Variants in NRXN3 observed in about 807,000 individuals in gnomAD.
The protein encoded by NRXN3 is neurexin 3.
A neutral mutation model predicts 137.6 loss-of-function variants in NRXN3; 32 were observed. That is an observed-to-expected ratio of 0.23 (90% CI 0.18 to 0.31). The LOEUF (loss-of-function observed/expected upper bound fraction) is 0.31, where lower values mean the gene tolerates loss of function less well. NRXN3 is among the 10% of genes least tolerant of loss of function. The pLI is 1.00. For missense variants in NRXN3, 1,574 were observed against 2,062.5 expected (o/e 0.76, Z 4.59); for synonymous variants, 798 against 784.5 (o/e 1.02, Z -0.29).
chr14:78,358,222 G>C (rs146407357), intron 4 of NRXN3, among the ~76,000 whole-genome samples: 1 of 152,304 alleles, frequency 6.6e-6, no homozygotes, highest in African/African-American at 2.4e-5. Context: ...ATGGTAGCTA[G>C]GCTAACATTT....
intron 10 of NRXN3, among the ~76,000 whole-genome samples, chr14:78,949,805 TATTA>T (rs1187179547): frequency 2.6e-5 from 4 of 152,236 alleles, no homozygotes; most frequent in South Asian, 2.1e-4. Flanking sequence ...TAAAGCAAAA[TATTA>T]ATTAATATTA....
At chr14:78,999,161 C>T (rs1343054907) in intron 15 of NRXN3, among the ~76,000 whole-genome samples, 2 of 152,052 alleles carry the variant, frequency 1.3e-5, no homozygotes, top group African/African-American at 2.4e-5. Context: ...ATTGACTGTC[C>T]TTATTTTGAT....
intron 4 of NRXN3, among the ~76,000 whole-genome samples, chr14:78,635,689 T>G (rs1415813682): frequency 6.6e-6 from 1 of 152,176 alleles, no homozygotes; most frequent in Non-Finnish European, 1.5e-5. Flanking sequence ...ATCGCCTTAG[T>G]TATTGAGTAC....
At chr14:79,092,378 TCTGA>T (rs1449718278) in intron 15 of NRXN3, among the ~76,000 whole-genome samples, 4 of 152,238 alleles carry the variant, frequency 2.6e-5, no homozygotes, top group Admixed American at 2.0e-4. Context: ...AGAAGTCCTT[TCTGA>T]CTATCTGCAA....
At chr14:79,706,144 A>C (rs543494107) in intron 19 of NRXN3, among the ~76,000 whole-genome samples, 36 of 152,252 alleles carry the variant, frequency 2.4e-4, no homozygotes, top group African/African-American at 7.7e-4. Flanking sequence ...TTGCTCTAGG[A>C]ATAAGGAGTC....
intron 16 of NRXN3, among the ~76,000 whole-genome samples, chr14:79,509,565 GTATA>G (rs998051406): frequency 1.3e-5 from 2 of 150,346 alleles, no homozygotes; most frequent in East Asian, 3.9e-4. Context: ...GTGCATGTAT[GTATA>G]TATATATGTG....
intron 15 of NRXN3, among the ~76,000 whole-genome samples, chr14:79,013,348 A>C (rs1436487113): frequency 1.3e-5 from 2 of 152,172 alleles, no homozygotes; most frequent in Admixed American, 1.3e-4. Context: ...TTGGAGTGGC[A>C]AGATTTAAAG....
At chr14:79,475,565 A>G (rs952047260) in intron 16 of NRXN3, among the ~76,000 whole-genome samples, 2 of 152,082 alleles carry the variant, frequency 1.3e-5, no homozygotes, top group African/African-American at 2.4e-5. Context: ...CAGGCTTGAG[A>G]GGCCACGACA....
rs148328578 is a variant in NRXN3, at chr14:79,748,465, C to T, written c.4014+50528C>T. On this transcript the variant is annotated intron_variant, in intron 19 of 20. Transcript: ENST00000335750. Reference sequence around the variant, plus strand: ...GAGATGTTCCATGTGGTTCCTTTGCCAAGCCATCCAGATACTCACCTCCAT... The same window carrying T: ...GAGATGTTCCATGTGGTTCCTTTGCTAAGCCATCCAGATACTCACCTCCAT... Among the ~76,000 whole-genome samples the T allele has an allele frequency of 3.2e-3, 483 of 152,142 alleles. 6 individuals carry two copies. The highest frequency in any genetic ancestry group is 0.01 in the African/African-American group (433 of 41,526).
At chr14:78,658,551 T>G (rs1292175087) in intron 6 of NRXN3, among the ~76,000 whole-genome samples, 1 of 152,206 alleles carries the variant, frequency 6.6e-6, no homozygotes, top group African/African-American at 2.4e-5. Flanking sequence ...GAGTCCAATG[T>G]AGTTTAATTA....
intron 15 of NRXN3, among the ~76,000 whole-genome samples, chr14:79,109,544 C>T (rs548074772): frequency 7.2e-5 from 11 of 152,220 alleles, no homozygotes; most frequent in African/African-American, 2.6e-4. Flanking sequence ...AATATTTAAA[C>T]AGATTTTTTC....
At chr14:78,609,806 C>T (rs2097284421) in intron 4 of NRXN3, among the ~76,000 whole-genome samples, 1 of 152,206 alleles carries the variant, frequency 6.6e-6, no homozygotes, top group Admixed American at 6.5e-5. Context: ...AAAGGCACTA[C>T]AGGCACAAGT....
intron 4 of NRXN3, among the ~76,000 whole-genome samples, chr14:78,339,444 G>A (rs1407289149): frequency 2.0e-5 from 3 of 152,116 alleles, no homozygotes; most frequent in Non-Finnish European, 2.9e-5. Flanking sequence ...TGCACATATA[G>A]CATTGACTGT....
rs1347513696 is a variant in NRXN3, at chr14:79,598,253, G to C, written c.3445-65525G>C. 2.6e-5 allele frequency among the ~76,000 whole-genome samples: 4 copies of C among 152,230 alleles called. No individual in the cohort carries two copies. In the South Asian group the frequency reaches 6.2e-4, roughly 24 times the overall value. On this transcript the variant is annotated intron_variant, in intron 16 of 20. Coordinates refer to ENST00000335750, the MANE Select transcript of NRXN3 (RefSeq NM_001330195.2). ...GGATTTGGGATAGAAATCCAGTCTGGGGGCCGAGATGTGATCATTATGTGC... is the reference window on the plus strand; with the variant it reads ...GGATTTGGGATAGAAATCCAGTCTGCGGGCCGAGATGTGATCATTATGTGC...
intron 15 of NRXN3, among the ~76,000 whole-genome samples, chr14:79,167,286 A>G (rs149652518): frequency 9.1e-4 from 139 of 152,156 alleles, no homozygotes; most frequent in African/African-American, 3.2e-3. Context: ...ACCAGTGACC[A>G]CTGACCCACT....
chr14:79,678,187 G>C (rs891341391), intron 17 of NRXN3, among the ~76,000 whole-genome samples: 1 of 152,054 alleles, frequency 6.6e-6, no homozygotes, highest in Admixed American at 6.6e-5. Flanking sequence ...ATAGCTAGCT[G>C]TTGATTAAAG....
Position 78,615,777 on chromosome 14 carries a change from A to C in NRXN3, c.758-29343A>C, listed in dbSNP as rs188671181. The stretch of plus-strand genomic sequence containing the variant: ...TGGTGAGACACAGTCTCTACCCCCA[A>C]AAAAAACAAAACAATTAGTTGGATG... On this transcript the variant is annotated intron_variant, in intron 4 of 20. Transcript: ENST00000335750. Among the ~76,000 whole-genome samples the C allele has an allele frequency of 7.0e-4, 107 of 152,196 alleles. 1 individual carries two copies. The highest frequency in any genetic ancestry group is 2.5e-3 in the African/African-American group (104 of 41,518).
chr14:78,857,688 T>G (rs78624823), intron 10 of NRXN3, among the ~76,000 whole-genome samples: 1,777 of 152,142 alleles, frequency 0.012, 44 homozygotes, highest in African/African-American at 0.04. Flanking sequence ...GGCAGTCAGA[T>G]GAATATAAAT....
At chr14:79,379,350 T>C (rs938405397) in intron 15 of NRXN3, among the ~76,000 whole-genome samples, 1 of 152,186 alleles carries the variant, frequency 6.6e-6, no homozygotes, top group African/African-American at 2.4e-5. Context: ...TGCAGAAATG[T>C]GAGCATTAGT....
Sources: allele counts gnomAD v4.1 joint callset (sites outside exome capture counted in the v4.1 genomes callset), GRCh38; gene constraint gnomAD v4.1.1; transcripts MANE v1.5; gene names NCBI Gene and HGNC (gene_info 2026-07-23, HGNC 2026-07-21).